ADAMTSL1: variants seen among roughly 807,000 people sequenced by gnomAD.
The protein encoded by ADAMTSL1 is ADAMTS-like protein 1.
ADAMTSL1 carries 126 observed loss-of-function variants against 201.8 expected under a neutral mutation model. That is an observed-to-expected ratio of 0.62 (90% confidence interval 0.54 to 0.72). The LOEUF is 0.72. Among genes scored for constraint, ADAMTSL1 ranks in the 30% least tolerant of loss-of-function variants. ADAMTSL1 has a pLI of 0.00. For synonymous variants in ADAMTSL1, 1,121 were observed against 903.4 expected (o/e 1.24, Z -4.32); for missense variants, 2,679 against 2,277.8 (o/e 1.18, Z -3.59).
intron 3 of ADAMTSL1, 80 bp from the exon 4 acceptor site, chr9:18,573,950 C>G: frequency 8.9e-7 from 1 of 1,123,308 alleles, no homozygotes; most frequent in Non-Finnish European, 1.3e-6. Context: ...AAGACCTAAG[C>G]AGACCATATA....
In ADAMTSL1 at chr9:18,826,460, C is replaced by A. The variant is rs1315409592; in HGVS notation, c.4111C>A (p.Leu1371Ile). ...GACTGAGAGCACCCAGCTGCTGATC[C>A]TAGGTAAACACTTCAAAGCTGGCTG... ...ELTESTQLLI[L>I]DPPQVPTQLE... Residue 1371 changes from leucine (L) to isoleucine (I), a missense_variant, in exon 22 of 29, where the codon CTA becomes ATA. By Grantham distance (5) the Leu-to-Ile change is conservative. Transcript: ENST00000380548. The A allele has an allele frequency of 6.2e-7, 1 of 1,612,196 alleles. No homozygotes were observed. Among genetic ancestry groups the A allele is most frequent in the South Asian group, 1.1e-5 (1 of 90,550 alleles).
chr9:18,258,558 C>G (rs780552846), intron 2 of ADAMTSL1, among the ~76,000 whole-genome samples: 12 of 151,906 alleles, frequency 7.9e-5, no homozygotes, highest in Non-Finnish European at 1.5e-4. Flanking sequence ...AGGGAGAGGT[C>G]TCACCTAGCA....
At chr9:18,755,512 T>A (rs1263132125) in intron 16 of ADAMTSL1, among the ~76,000 whole-genome samples, 1 of 152,196 alleles carries the variant, frequency 6.6e-6, no homozygotes, top group Admixed American at 6.5e-5. Flanking sequence ...ATCGTCCTAG[T>A]CTTGAAATGC....
intron 13 of ADAMTSL1, among the ~76,000 whole-genome samples, chr9:18,696,648 G>C (rs1831565930): frequency 6.6e-6 from 1 of 152,082 alleles, no homozygotes; most frequent in Non-Finnish European, 1.5e-5. Context: ...GCAGCCCATG[G>C]CAGGACAGTG....
chr9:18,775,782 G>T lies in ADAMTSL1; in HGVS notation c.2437G>T (p.Ala813Ser). Residue 813 changes from alanine to serine, a missense_variant, in exon 18 of 29, where the codon GCC becomes TCC. Coordinates refer to ENST00000380548, the MANE Select transcript of ADAMTSL1 (RefSeq NM_001040272.6). ...CGGGGAAGGCACCCAGACTCGAAGC[G>T]CCATTTGCCGAAAGATGCTGAAAAC... Reference protein sequence around the residue: ...SCGEGTQTRSAICRKMLKTGL... With the variant: ...SCGEGTQTRSSICRKMLKTGL... 6 of 1,612,676 alleles carry T rather than the reference G, an allele frequency of 3.7e-6. No homozygotes were observed. The highest frequency in any genetic ancestry group is 4.2e-6 in the Non-Finnish European group (5 of 1,179,392).
intron 2 of ADAMTSL1, among the ~76,000 whole-genome samples, chr9:18,280,954 T>G (rs554704228): frequency 6.6e-6 from 1 of 151,058 alleles, no homozygotes; most frequent in South Asian, 2.1e-4. Flanking sequence ...TAGCTCACTG[T>G]AGCCTTGAAC....
chr9:18,579,095 CA>C (rs1371487625), intron 4 of ADAMTSL1, among the ~76,000 whole-genome samples: 5 of 151,482 alleles, frequency 3.3e-5, no homozygotes, highest in African/African-American at 9.7e-5. Flanking sequence ...GGAACCAACC[CA>C]AATGTCCAAC....
chr9:18,258,467 C>A (rs764869386), intron 2 of ADAMTSL1, among the ~76,000 whole-genome samples: 1 of 152,164 alleles, frequency 6.6e-6, no homozygotes, highest in Non-Finnish European at 1.5e-5. Context: ...CCTGCCAGGG[C>A]CTCCTTGTAA....
chr9:18,097,113 C>T (rs1018287423), intron 1 of ADAMTSL1, among the ~76,000 whole-genome samples: 7 of 152,156 alleles, frequency 4.6e-5, no homozygotes, highest in East Asian at 1.9e-4. Context: ...TCCAAGCCAA[C>T]GTTGATCCCC....
At chr9:18,015,400 A>G (rs1432696894) in intron 1 of ADAMTSL1, among the ~76,000 whole-genome samples, 1 of 151,810 alleles carries the variant, frequency 6.6e-6, no homozygotes, top group Non-Finnish European at 1.5e-5. Context: ...GCTATTAACA[A>G]CTCCCTTTCT....
At chr9:18,559,399 G>C (rs909817369) in intron 3 of ADAMTSL1, among the ~76,000 whole-genome samples, 7 of 152,082 alleles carry the variant, frequency 4.6e-5, no homozygotes, top group Admixed American at 3.9e-4. Context: ...ATGCTGTTTT[G>C]GTTACTGTAG....
intron 2 of ADAMTSL1, among the ~76,000 whole-genome samples, chr9:18,411,703 C>T (rs950368072): frequency 6.6e-6 from 1 of 152,116 alleles, no homozygotes; most frequent in African/African-American, 2.4e-5. Flanking sequence ...CCTTCCATGA[C>T]CCCCATTTTT....
At chr9:18,056,182 C>G (rs1341499407) in intron 1 of ADAMTSL1, among the ~76,000 whole-genome samples, 1 of 148,438 alleles carries the variant, frequency 6.7e-6, no homozygotes, top group Non-Finnish European at 1.5e-5. Flanking sequence ...CTGCCCTTCT[C>G]CTCAAATATC....
chr9:18,183,044 C>T (rs1404183896), intron 2 of ADAMTSL1, among the ~76,000 whole-genome samples: 1 of 152,126 alleles, frequency 6.6e-6, no homozygotes, highest in African/African-American at 2.4e-5. Context: ...TATGTTATTG[C>T]CTGCCAGGTA....
intron 2 of ADAMTSL1, among the ~76,000 whole-genome samples, chr9:18,307,213 A>G (rs993450526): frequency 6.6e-6 from 1 of 152,172 alleles, no homozygotes; most frequent in African/African-American, 2.4e-5. Context: ...ATGAAAAGAA[A>G]AAAAATAGTA....
At chr9:18,566,505 G>A (rs141034551) in intron 3 of ADAMTSL1, among the ~76,000 whole-genome samples, 1 of 152,330 alleles carries the variant, frequency 6.6e-6, no homozygotes, top group Non-Finnish European at 1.5e-5. Flanking sequence ...GTGGGAATGG[G>A]ATTGCAGTTT....
At chr9:18,571,126 G>A (rs1003780939) in intron 3 of ADAMTSL1, among the ~76,000 whole-genome samples, 1 of 152,136 alleles carries the variant, frequency 6.6e-6, no homozygotes. Flanking sequence ...TTGAACAGAG[G>A]GGAATCATAG....
intron 20 of ADAMTSL1, among the ~76,000 whole-genome samples, chr9:18,807,301 T>C (rs1823197337): frequency 6.6e-6 from 1 of 152,196 alleles, no homozygotes; most frequent in Non-Finnish European, 1.5e-5. Context: ...ATTAACACTA[T>C]TCTGTGAGCT....
chr9:18,669,635 T>C (rs1829691202), intron 9 of ADAMTSL1, among the ~76,000 whole-genome samples: 1 of 152,222 alleles, frequency 6.6e-6, no homozygotes, highest in South Asian at 2.1e-4. Context: ...CTCTGTGTTT[T>C]AAGAAGTCAT....
Sources: gnomAD v4.1 joint callset for allele counts (sites outside exome capture counted in the v4.1 genomes callset) on GRCh38, gnomAD v4.1.1 for gene constraint, MANE v1.5 for transcripts, NCBI Gene and HGNC (gene_info 2026-07-23, HGNC 2026-07-21) for gene names.